ASH2L: variants seen among roughly 807,000 people sequenced by gnomAD.
The protein encoded by ASH2L is ASH2 like, histone lysine methyltransferase complex subunit.
In ASH2L, 30 loss-of-function variants were observed where a neutral mutation model predicts 81.1. The ratio of observed to expected loss-of-function variants is 0.37; its 90% CI spans 0.28 to 0.50. ASH2L has a LOEUF of 0.50. Among genes scored for constraint, ASH2L ranks in the 20% least tolerant of loss-of-function variants. ASH2L has a pLI of 0.95. For synonymous variants in ASH2L, 273 were observed against 279.9 expected (o/e 0.98, Z 0.24); for missense variants, 559 against 792.1 (o/e 0.71, Z 3.53).
intron 12 of ASH2L, among the ~76,000 whole-genome samples, chr8:38,130,961 C>T (rs567933821): frequency 1.3e-5 from 2 of 152,252 alleles, no homozygotes; most frequent in East Asian, 1.9e-4. Flanking sequence ...TAACTCTTTC[C>T]TTTCTCCACT....
Position 38,114,886 on chromosome 8 carries a change from A to G in ASH2L, c.682-19A>G, listed in dbSNP as rs1810831141. ...AAGTATAAAATGTTCATTAATAGTA[A>G]AACACTACTTCTTTTTAGAGTAAAG... On this transcript the variant is annotated intron_variant, in intron 6 of 15. Transcript: ENST00000343823. 1 of 1,499,932 alleles carries G rather than the reference A, an allele frequency of 6.7e-7. No homozygotes were observed. Among genetic ancestry groups the G allele is most frequent in the Non-Finnish European group, 9.3e-7 (1 of 1,078,160 alleles). 92.9% of individuals were successfully genotyped at this position (1,499,932 alleles called of 1,614,324 possible).
At chr8:38,110,878 G>T in intron 5 of ASH2L, 45 bp downstream of exon 5, 1 of 1,500,842 alleles carries the variant, frequency 6.7e-7, no homozygotes, top group Non-Finnish European at 9.2e-7. Flanking sequence ...GAAGAGTTAG[G>T]TGGAACTTCT....
intron 5 of ASH2L, among the ~76,000 whole-genome samples, chr8:38,113,895 A>G (rs1810787880): frequency 6.6e-6 from 1 of 152,236 alleles, no homozygotes; most frequent in African/African-American, 2.4e-5. Flanking sequence ...GTCATCTTCC[A>G]ATTGACAGCC....
chr8:38,116,264 G>A (rs1810892535), intron 7 of ASH2L, among the ~76,000 whole-genome samples: 1 of 152,130 alleles, frequency 6.6e-6, no homozygotes, highest in Non-Finnish European at 1.5e-5. Context: ...TACTCAGGAG[G>A]CTGAGGCAAG....
intron 3 of ASH2L, 132 bp from the exon 4 acceptor site, chr8:38,110,247 G>C: frequency 1.4e-6 from 1 of 696,354 alleles, no homozygotes; most frequent in Non-Finnish European, 2.5e-6. Flanking sequence ...GGAACGTCAA[G>C]TCTGCAGTGA....
chr8:38,128,248 C>T, intron 10 of ASH2L, 43 bp from the exon 11 acceptor site: 1 of 1,609,788 alleles, frequency 6.2e-7, no homozygotes, highest in Admixed American at 1.7e-5. Context: ...CCCCAAGAAC[C>T]TCAAATAAGT....
intron 14 of ASH2L, chr8:38,137,407 A>C (rs886676135): frequency 7.5e-6 from 1 of 132,622 alleles, no homozygotes; most frequent in African/African-American, 2.8e-5. Flanking sequence ...AAAAAAAAAG[A>C]AAAAAAAAAG....
At chr8:38,105,819 C>T in intron 1 of ASH2L, 81 bp downstream of exon 1, 4 of 1,467,294 alleles carry the variant, frequency 2.7e-6, no homozygotes, top group Non-Finnish European at 2.7e-6. Flanking sequence ...AGCCCTGCCG[C>T]CCGCCCCCTG....
chr8:38,131,190 T>G (rs891678410), intron 12 of ASH2L, among the ~76,000 whole-genome samples: 1 of 152,176 alleles, frequency 6.6e-6, no homozygotes, highest in Non-Finnish European at 1.5e-5. Context: ...ATTGATTATA[T>G]CACACTAGTG....
rs1281029213 is a variant in ASH2L, at chr8:38,110,436, T to C, written c.459T>C (p.Ser153=). 6.2e-7 allele frequency: 1 copy of C among 1,614,030 alleles called. No homozygotes were observed. The highest frequency in any genetic ancestry group is 8.5e-7 in the Non-Finnish European group (1 of 1,179,992). The part of the protein sequence containing the change: ...YSFHCNVCHH[S]GNTYFLRKQA... ...TTCATTGCAACGTCTGCCATCACAG[T>C]GGGAATACCTATTTCCTCCGGAAGC... Residue 153 remains serine, a synonymous_variant, in exon 4 of 16, where the codon AGT becomes AGC. Coordinates refer to ENST00000343823, the MANE Select transcript of ASH2L (RefSeq NM_004674.5).
intron 10 of ASH2L, among the ~76,000 whole-genome samples, chr8:38,126,314 G>A (rs1563258311): frequency 6.6e-6 from 1 of 152,122 alleles, no homozygotes. Context: ...TTGAGGAACT[G>A]TTTGAGATTG....
chr8:38,122,715 T>TAGAC (rs151138690), intron 10 of ASH2L, among the ~76,000 whole-genome samples: 1 of 48 alleles, frequency 0.021, no homozygotes, highest in Non-Finnish European at 0.05. Flanking sequence ...TGTGAATAAT[T>TAGAC]AGATAATTAT....
At chr8:38,113,789 C>A (rs975381467) in intron 5 of ASH2L, among the ~76,000 whole-genome samples, 13 of 152,140 alleles carry the variant, frequency 8.5e-5, no homozygotes, top group Non-Finnish European at 1.5e-5. Context: ...TACCAAGTTC[C>A]ATTTTAGTCA....
chr8:38,134,012 A>G (rs375510084), intron 13 of ASH2L, among the ~76,000 whole-genome samples: 3 of 152,298 alleles, frequency 2.0e-5, no homozygotes, highest in East Asian at 1.9e-4. Context: ...CTGTTGATCT[A>G]TGACCTTACC....
intron 6 of ASH2L, among the ~76,000 whole-genome samples, chr8:38,114,495 C>T (rs1810814495): frequency 1.3e-5 from 2 of 152,264 alleles, no homozygotes; most frequent in South Asian, 4.1e-4. Flanking sequence ...ACATTGCCCG[C>T]ATACACCTGG....
intron 3 of ASH2L, among the ~76,000 whole-genome samples, chr8:38,109,589 G>C (rs1010694305): frequency 6.6e-6 from 1 of 152,194 alleles, no homozygotes; most frequent in East Asian, 1.9e-4. Flanking sequence ...TTCCTCTGTT[G>C]CATCCGTCTC....
rs1225711034 is a variant in ASH2L, at chr8:38,130,485, T to A, written c.1527+1534T>A. 3.9e-5 allele frequency among the ~76,000 whole-genome samples: 6 copies of A among 152,108 alleles called. No individual in the cohort carries two copies. In the East Asian group the frequency reaches 1.2e-3, roughly 29 times the overall value. Reference sequence around the variant, plus strand: ...TTTCTTTTATACTTATTTCTTTCCATGAATTTAAAAAAAAATCTTTGGCTA... The same window carrying A: ...TTTCTTTTATACTTATTTCTTTCCAAGAATTTAAAAAAAAATCTTTGGCTA... On this transcript the variant is annotated intron_variant, in intron 12 of 15. Transcript: ENST00000343823.
At chr8:38,106,503 CTTCTT>C in intron 2 of ASH2L, 59 bp downstream of exon 2, 3 of 1,148,032 alleles carry the variant, frequency 2.6e-6, no homozygotes, top group Non-Finnish European at 3.7e-6. Context: ...ATTTCTTCTT[CTTCTT>C]TTTTTTTTTT....
At chr8:38,131,825 G>A (rs1395402259) in intron 12 of ASH2L, among the ~76,000 whole-genome samples, 1 of 149,928 alleles carries the variant, frequency 6.7e-6, no homozygotes, top group Non-Finnish European at 1.5e-5. Context: ...GGCTTTTTGG[G>A]CTTTTTTTTT....
Sources: gnomAD v4.1 joint callset for allele counts (sites outside exome capture counted in the v4.1 genomes callset) on GRCh38, gnomAD v4.1.1 for gene constraint, MANE v1.5 for transcripts, NCBI Gene and HGNC (gene_info 2026-07-23, HGNC 2026-07-21) for gene names.